The following IMMP2L variants were observed in gnomAD, a reference collection of about 807,000 sequenced individuals.
IMMP2L encodes the protein mitochondrial inner membrane protease subunit 2.
Under a neutral mutation model 19.3 loss-of-function variants are expected in IMMP2L, and 18 were observed. That is an observed-to-expected ratio of 0.93 (90% CI 0.64 to 1.38). The LOEUF (loss-of-function observed/expected upper bound fraction) is 1.38. IMMP2L is among the 40% of genes most tolerant of loss of function. The pLI is 0.00. For synonymous variants in IMMP2L, 76 were observed against 73.0 expected (o/e 1.04, Z -0.21); for missense variants, 233 against 218.2 (o/e 1.07, Z -0.43).
At chr7:110,793,488 A>G (rs1314283780) in intron 5 of IMMP2L, among the ~76,000 whole-genome samples, 1 of 152,064 alleles carries the variant, frequency 6.6e-6, no homozygotes, top group Non-Finnish European at 1.5e-5. Flanking sequence ...ACCAAACACC[A>G]TCTCATCCCC....
At chr7:111,417,961 T>C (rs1456329500) in intron 3 of IMMP2L, among the ~76,000 whole-genome samples, 1 of 151,818 alleles carries the variant, frequency 6.6e-6, no homozygotes, top group Non-Finnish European at 1.5e-5. Context: ...TTATCAATAA[T>C]AAAAACAAAA....
chr7:110,848,548 C>T (rs1388223326), intron 5 of IMMP2L, among the ~76,000 whole-genome samples: 1 of 152,136 alleles, frequency 6.6e-6, no homozygotes, highest in African/African-American at 2.4e-5. Flanking sequence ...AGCAGTCACA[C>T]TTCTTGATAT....
At chr7:111,113,597 G>C (rs1195216577) in intron 3 of IMMP2L, among the ~76,000 whole-genome samples, 3 of 151,812 alleles carry the variant, frequency 2.0e-5, no homozygotes, top group Non-Finnish European at 2.9e-5. Flanking sequence ...TTCAAAGACA[G>C]GATATTTGGC....
intron 3 of IMMP2L, among the ~76,000 whole-genome samples, chr7:111,416,516 C>T (rs1444157577): frequency 3.3e-5 from 5 of 151,872 alleles, no homozygotes; most frequent in East Asian, 1.9e-4. Flanking sequence ...AAATAATCCA[C>T]TTTCCCTCTG....
chr7:110,801,880 T>C (rs552292365), intron 5 of IMMP2L, among the ~76,000 whole-genome samples: 1 of 152,058 alleles, frequency 6.6e-6, no homozygotes, highest in Admixed American at 6.6e-5. Flanking sequence ...TGTATGCCTA[T>C]CTCTGTGCTG....
chr7:111,308,472 A>G (rs1823129963), intron 3 of IMMP2L, among the ~76,000 whole-genome samples: 1 of 151,964 alleles, frequency 6.6e-6, no homozygotes, highest in South Asian at 2.1e-4. Context: ...TTGCCATCTT[A>G]ATGTAATATG....
intron 3 of IMMP2L, among the ~76,000 whole-genome samples, chr7:110,966,723 C>T (rs1432195101): frequency 6.6e-6 from 1 of 151,998 alleles, no homozygotes; most frequent in African/African-American, 2.4e-5. Context: ...AAAGCTATTA[C>T]TAACATTAAT....
At position 111,561,495 on chromosome 7, in the gene IMMP2L, G is replaced by T. The variant is rs182054272; in HGVS notation, c.-3+356C>A. Among the ~76,000 whole-genome samples the T allele has an allele frequency of 1.8e-4, 28 of 152,206 alleles. 1 individual carries two copies. The highest frequency in any genetic ancestry group is 6.7e-4 in the African/African-American group (28 of 41,532). On this transcript the variant is annotated intron_variant, in intron 1 of 5. Transcript: ENST00000405709. The stretch of plus-strand genomic sequence containing the variant: ...AGGACCTGGATTCTTTAGTGCTATG[G>T]TCTCAGGGATTAGTCAAAGCTGGCT...
At chr7:111,293,998 T>TAAA (rs1821379537) in intron 3 of IMMP2L, among the ~76,000 whole-genome samples, 1 of 151,866 alleles carries the variant, frequency 6.6e-6, no homozygotes, top group South Asian at 2.1e-4. Flanking sequence ...CCATAAATAG[T>TAAA]AAAACAGAAT....
At chr7:111,288,968 C>T (rs1563015809) in intron 3 of IMMP2L, among the ~76,000 whole-genome samples, 1 of 152,138 alleles carries the variant, frequency 6.6e-6, no homozygotes, top group African/African-American at 2.4e-5. Context: ...CACAGGCACA[C>T]ATATGTTTAT....
intron 3 of IMMP2L, among the ~76,000 whole-genome samples, chr7:111,281,827 C>T (rs1312969802): frequency 1.3e-5 from 2 of 152,140 alleles, no homozygotes; most frequent in Non-Finnish European, 2.9e-5. Flanking sequence ...CAGTAAACAG[C>T]TCTTCTCTAA....
Position 110,931,209 on chromosome 7 carries a change from T to A in IMMP2L, c.305+32291A>T, listed in dbSNP as rs543192538. On this transcript the variant is annotated intron_variant, in intron 4 of 5. Coordinates refer to ENST00000405709, the MANE Select transcript of IMMP2L (RefSeq NM_032549.4). ...TGCAGGAAAGTTCCAAATATTTCTA[T>A]GAGAACAAAGGAGAGAATCAGAGAT... Among the ~76,000 whole-genome samples, 12 of 152,282 alleles carry A rather than the reference T, an allele frequency of 7.9e-5. No homozygotes were observed. In the South Asian group the frequency reaches 1.9e-3, roughly 24 times the overall value.
At chr7:111,347,089 C>T (rs983212042) in intron 3 of IMMP2L, among the ~76,000 whole-genome samples, 2 of 151,914 alleles carry the variant, frequency 1.3e-5, no homozygotes, top group African/African-American at 4.8e-5. Flanking sequence ...AGAACGACTG[C>T]CAAGTCTCTG....
intron 1 of IMMP2L, among the ~76,000 whole-genome samples, chr7:111,521,653 T>C (rs567235673): frequency 5.3e-5 from 8 of 152,158 alleles, no homozygotes; most frequent in Admixed American, 2.0e-4. Flanking sequence ...TTAATGCTTT[T>C]CCACAACTCA....
intron 5 of IMMP2L, among the ~76,000 whole-genome samples, chr7:110,742,971 T>C (rs557680964): frequency 5.9e-5 from 9 of 152,114 alleles, no homozygotes; most frequent in Non-Finnish European, 1.2e-4. Flanking sequence ...ACCTGAATTT[T>C]AATGCTATCT....
chr7:111,526,136 C>T lies in IMMP2L; in HGVS notation c.-2-4687G>A, dbSNP rs192550117. Among the ~76,000 whole-genome samples, 396 of 152,266 alleles carry T rather than the reference C, an allele frequency of 2.6e-3. 4 individuals are homozygous for T. The highest frequency in any genetic ancestry group is 4.3e-3 in the Non-Finnish European group (294 of 68,012). The stretch of plus-strand genomic sequence containing the variant: ...GATAGAGTATATACAGAATTTATTA[C>T]GTGAATTTTTAATTCAGTAAGCATT... On this transcript the variant is annotated intron_variant, in intron 1 of 5. Coordinates refer to ENST00000405709, the MANE Select transcript of IMMP2L (RefSeq NM_032549.4).
intron 3 of IMMP2L, among the ~76,000 whole-genome samples, chr7:111,073,693 T>C (rs773688833): frequency 6.6e-6 from 1 of 152,162 alleles, no homozygotes; most frequent in Admixed American, 6.5e-5. Flanking sequence ...GGGATTCCAT[T>C]TCCCTTGAGA....
intron 5 of IMMP2L, among the ~76,000 whole-genome samples, chr7:110,812,279 G>A (rs1264788691): frequency 6.6e-6 from 1 of 151,970 alleles, no homozygotes; most frequent in Non-Finnish European, 1.5e-5. Flanking sequence ...TCAATAGGAT[G>A]TCCTATACCA....
intron 3 of IMMP2L, among the ~76,000 whole-genome samples, chr7:111,229,625 A>G (rs1434739431): frequency 1.3e-5 from 2 of 152,056 alleles, no homozygotes; most frequent in Non-Finnish European, 2.9e-5. Context: ...TTAACTTACC[A>G]TTGGGAGAAA....
Sources: gnomAD v4.1 joint callset for allele counts (sites outside exome capture counted in the v4.1 genomes callset) on GRCh38, gnomAD v4.1.1 for gene constraint, MANE v1.5 for transcripts, NCBI Gene and HGNC (gene_info 2026-07-23, HGNC 2026-07-21) for gene names.